MAGEA11: variants seen among roughly 807,000 people sequenced by gnomAD.
The protein encoded by MAGEA11 is MAGE family member A11, also known as melanoma-associated antigen 11.
A neutral mutation model predicts 8.4 loss-of-function variants in MAGEA11; 1 was observed. That is an observed-to-expected ratio of 0.12 (90% CI 0.04 to 0.57). The LOEUF (loss-of-function observed/expected upper bound fraction) is 0.57, where lower values mean the gene tolerates loss of function less well. Ranked by LOEUF, MAGEA11 falls within the 20% of genes least tolerant of loss-of-function variation. MAGEA11 has a pLI of 0.91. For synonymous variants in MAGEA11, 127 were observed against 119.3 expected (o/e 1.06, Z -0.42); for missense variants, 209 against 317.3 (o/e 0.66, Z 2.59).
upstream of MAGEA11, among the ~76,000 whole-genome samples, chrX:149,707,331 A>G (rs2090381645): frequency 1.8e-5 from 2 of 111,935 alleles, no homozygotes; most frequent in Admixed American, 9.5e-5. Flanking sequence ...CTAGTGAGGT[A>G]AAGGGTAGGC....
upstream of MAGEA11, among the ~76,000 whole-genome samples, chrX:149,709,794 G>A (rs925354137): frequency 1.8e-5 from 2 of 111,861 alleles, no homozygotes; most frequent in Non-Finnish European, 3.8e-5. Context: ...AATCATCCAT[G>A]ATAAAAATAA....
chrX:149,700,854 T>G (rs1278026600), intron 1 of MAGEA11, among the ~76,000 whole-genome samples: 2 of 105,302 alleles, frequency 1.9e-5, no homozygotes, highest in African/African-American at 6.9e-5. Context: ...CTGAGAATGA[T>G]GATTTCCAAT....
At chrX:149,693,820 G>T (rs2124278450) in intron 1 of MAGEA11, among the ~76,000 whole-genome samples, 1 of 111,951 alleles carries the variant, frequency 8.9e-6, no homozygotes, top group Non-Finnish European at 1.9e-5. Flanking sequence ...CATACAACAT[G>T]TAGCTTTTTG....
chrX:149,696,626 C>T (rs1408111183), intron 1 of MAGEA11, among the ~76,000 whole-genome samples: 3 of 110,726 alleles, frequency 2.7e-5, no homozygotes, highest in African/African-American at 6.6e-5. Context: ...CTTCCAGACT[C>T]AGGATCCAAG....
At chrX:149,703,695 G>C (rs1448016966) in intron 1 of MAGEA11, among the ~76,000 whole-genome samples, 1 of 111,930 alleles carries the variant, frequency 8.9e-6, no homozygotes, top group African/African-American at 3.3e-5. Flanking sequence ...ATTTTCAAGG[G>C]GAAAAGAAAA....
chrX:149,700,714 C>A (rs188365245), intron 1 of MAGEA11, among the ~76,000 whole-genome samples: 2 of 100,461 alleles, frequency 2.0e-5, no homozygotes, highest in African/African-American at 3.6e-5. Flanking sequence ...ATCCCTCCCC[C>A]CTCCCCTGAC....
Position 149,714,444 on chromosome X carries a change from G to A in MAGEA11, c.97-37G>A, listed in dbSNP as rs1271759585. The A allele has an allele frequency of 4.2e-6, 5 of 1,197,171 alleles. No homozygotes were observed. In the African/African-American group the frequency reaches 7.0e-5, roughly 17 times the overall value. On this transcript the variant is annotated intron_variant, in intron 2 of 4. Transcript: ENST00000355220. The stretch of plus-strand genomic sequence containing the variant: ...CAACCACATGATGGGGTGATGGGAC[G>A]TGGGGCCCCTTACTTCTGTTTTGGA...
intron 1 of MAGEA11, among the ~76,000 whole-genome samples, 151 bp from the exon 2 acceptor site, chrX:149,712,992 A>G (rs1191401943): frequency 8.0e-5 from 9 of 112,108 alleles, no homozygotes; most frequent in Non-Finnish European, 1.5e-4. Flanking sequence ...GGGGCTTGGT[A>G]TCATGAGAAA....
intron 1 of MAGEA11, among the ~76,000 whole-genome samples, chrX:149,701,831 C>T (rs1180923233): frequency 9.0e-6 from 1 of 111,527 alleles, no homozygotes; most frequent in Non-Finnish European, 1.9e-5. Flanking sequence ...GGAATCCTTT[C>T]CCCATTGCTT....
chrX:149,703,657 T>C (rs782695606), intron 1 of MAGEA11, among the ~76,000 whole-genome samples: 15 of 112,352 alleles, frequency 1.3e-4, no homozygotes, highest in Admixed American at 5.6e-4. Flanking sequence ...AGCTCAAAGA[T>C]GTGGGATTAA....
intron 1 of MAGEA11, among the ~76,000 whole-genome samples, chrX:149,702,480 C>T (rs1159469028): frequency 9.0e-6 from 1 of 110,914 alleles, no homozygotes; most frequent in African/African-American, 3.3e-5. Context: ...TTAGCATAGC[C>T]ATTCCAGCTC....
Position 149,712,082 on chromosome X carries a change from T to C in MAGEA11, c.-98T>C. The C allele has an allele frequency of 1.3e-6, 1 of 752,133 alleles. No individual in the cohort carries two copies. Among genetic ancestry groups the C allele is most frequent in the Non-Finnish European group, 1.6e-6 (1 of 637,585 alleles). The allele number at this position is 752,133 out of a possible 1,213,427, so 62.0% of individuals were successfully genotyped here. On this transcript the variant is annotated 5_prime_UTR_variant, in exon 1 of 5. Transcript: ENST00000355220. ...TCCATTGGCTTCCGCCTCTGGGATC[T>C]GAGAGAAGCGAAAGCGTCTTTCTGA... is the stretch of plus-strand genomic sequence containing the variant.
intron 1 of MAGEA11, among the ~76,000 whole-genome samples, chrX:149,699,200 G>T (rs781860145): frequency 9.0e-6 from 1 of 111,198 alleles, no homozygotes. Flanking sequence ...ATATTATTTC[G>T]CATGTCATGT....
upstream of MAGEA11, chrX:149,711,990 G>A: frequency 5.5e-6 from 4 of 721,635 alleles, no homozygotes; most frequent in Non-Finnish European, 6.5e-6. Context: ...GCCCCCACAC[G>A]GGCAGAATCG....
chrX:149,711,367 C>T, upstream of MAGEA11, among the ~76,000 whole-genome samples: 1 of 112,061 alleles, frequency 8.9e-6, no homozygotes, highest in East Asian at 2.8e-4. Flanking sequence ...CACTCAGCCT[C>T]TTCAGTGTAA....
chrX:149,689,067 G>C (rs782572534), intron 1 of MAGEA11: 27 of 866,279 alleles, frequency 3.1e-5, no homozygotes, highest in Admixed American at 2.5e-5. Context: ...ATAGATAAAG[G>C]GCTATGAAAA....
At chrX:149,712,210 C>T (rs1335433060) in intron 1 of MAGEA11, 48 bp downstream of exon 1, 2 of 698,957 alleles carry the variant, frequency 2.9e-6, no homozygotes, top group African/African-American at 4.9e-5. Context: ...AGATAGAGGG[C>T]CCCAAATAAT....
chrX:149,693,979 T>G (rs1485175881), intron 1 of MAGEA11, among the ~76,000 whole-genome samples: 1 of 112,312 alleles, frequency 8.9e-6, no homozygotes, highest in Non-Finnish European at 1.9e-5. Context: ...GATGGACATT[T>G]AGGTTATTTC....
intron 1 of MAGEA11, among the ~76,000 whole-genome samples, chrX:149,699,132 G>A (rs1472948773): frequency 9.0e-6 from 1 of 111,391 alleles, no homozygotes; most frequent in Admixed American, 9.6e-5. Context: ...AATTTTTTGT[G>A]GTTGCCCTAA....
Sources: allele counts gnomAD v4.1 joint callset (sites outside exome capture counted in the v4.1 genomes callset), GRCh38; gene constraint gnomAD v4.1.1; transcripts MANE v1.5; gene names NCBI Gene and HGNC (gene_info 2026-07-23, HGNC 2026-07-21).